The following NEXMIF variants were observed in gnomAD, a reference collection of about 807,000 sequenced individuals.
NEXMIF encodes the protein XLMR protein related to neurite extension.
NEXMIF carries 8 observed loss-of-function variants against 62.1 expected under a neutral mutation model. The observed-to-expected ratio is 0.13, with a 90% CI of 0.08 to 0.23. The LOEUF (loss-of-function observed/expected upper bound fraction) is 0.23, where lower values mean the gene tolerates loss of function less well. NEXMIF is among the 10% of genes least tolerant of loss of function. The pLI is 1.00. For missense variants in NEXMIF, 976 were observed against 1,113.3 expected, an observed-to-expected ratio of 0.88 and a Z score of 1.75; for synonymous variants, 404 against 416.6, an observed-to-expected ratio of 0.97 and a Z score of 0.37.
At chrX:74,824,486 TACC>T (rs1446915315) in intron 1 of NEXMIF, among the ~76,000 whole-genome samples, 1 of 112,169 alleles carries the variant, frequency 8.9e-6, no homozygotes, top group Non-Finnish European at 1.9e-5. Flanking sequence ...TGTGTATATG[TACC>T]ACATTTTCTT....
At chrX:74,804,193 CTT>C (rs2080338496) in intron 1 of NEXMIF, among the ~76,000 whole-genome samples, 1 of 112,460 alleles carries the variant, frequency 8.9e-6, no homozygotes, top group Non-Finnish European at 1.9e-5. Flanking sequence ...TATTGGTTTT[CTT>C]TTTGCTCATT....
chrX:74,855,504 G>A (rs2080531772), intron 1 of NEXMIF, among the ~76,000 whole-genome samples: 2 of 111,855 alleles, frequency 1.8e-5, no homozygotes, highest in Admixed American at 1.9e-4. Context: ...TTAAAGCTGA[G>A]GAATGAAATT....
chrX:74,743,318 G>A lies in NEXMIF; in HGVS notation c.1239C>T (p.Cys413=). The A allele has an allele frequency of 8.3e-7, 1 of 1,211,165 alleles. No homozygotes were observed. Among genetic ancestry groups the A allele is most frequent in the Non-Finnish European group, 1.1e-6 (1 of 895,089 alleles). The change falls in exon 3 of 4, where the codon TGC becomes TGT. Residue 413 remains cysteine (C), a synonymous_variant. Coordinates refer to ENST00000055682, the MANE Select transcript of NEXMIF (RefSeq NM_001008537.3). The part of the protein sequence containing the change: ...NGEKPALNKP[C]SGTEVEQLKN... ...TAAGTTGCTCTACTTCAGTCCCACTGCATGGTTTATTTAAGGCAGGCTTTT... is the reference window on the plus strand; with the variant it reads ...TAAGTTGCTCTACTTCAGTCCCACTACATGGTTTATTTAAGGCAGGCTTTT...
intron 1 of NEXMIF, among the ~76,000 whole-genome samples, chrX:74,854,378 C>T (rs1432939456): frequency 8.9e-6 from 1 of 111,867 alleles, no homozygotes; most frequent in Non-Finnish European, 1.9e-5. Context: ...ATTCAACAGC[C>T]CTTTATGATA....
intron 1 of NEXMIF, among the ~76,000 whole-genome samples, chrX:74,924,620 C>T (rs1382428971): frequency 8.8e-6 from 1 of 113,676 alleles, no homozygotes; most frequent in Non-Finnish European, 1.9e-5. Context: ...CCCCCCGCAA[C>T]CCCCTTCCTA....
chrX:74,744,260 G>A lies in NEXMIF; in HGVS notation c.297C>T (p.Ile99=). 1 of 1,210,653 alleles carries A rather than the reference G, an allele frequency of 8.3e-7. No individual in the cohort carries two copies. Among genetic ancestry groups the A allele is most frequent in the South Asian group, 1.8e-5 (1 of 56,958 alleles). The part of the protein sequence containing the change: ...HAANSASVNA[I]SLTSGIAKGL... Reference sequence around the variant, plus strand: ...CTTTTGCAATGCCAGATGTGAGGGAGATGGCATTCACAGAAGCACTATTAG... The same window carrying A: ...CTTTTGCAATGCCAGATGTGAGGGAAATGGCATTCACAGAAGCACTATTAG... Residue 99 remains isoleucine, a synonymous_variant, in exon 3 of 4, where the codon ATC becomes ATT. Coordinates refer to ENST00000055682, the MANE Select transcript of NEXMIF (RefSeq NM_001008537.3).
chrX:74,744,930 CCT>C (rs749595584), intron 2 of NEXMIF, among the ~76,000 whole-genome samples: 13 of 86,560 alleles, frequency 1.5e-4, no homozygotes, highest in African/African-American at 5.1e-4. Flanking sequence ...TTCTCTCTCT[CCT>C]CTCTCTCTCT....
chrX:74,788,636 C>A (rs1360369863), intron 1 of NEXMIF, among the ~76,000 whole-genome samples: 1 of 111,422 alleles, frequency 9.0e-6, no homozygotes, highest in Non-Finnish European at 1.9e-5. Flanking sequence ...CAGGTCAAAA[C>A]TCATTATCTA....
chrX:74,739,444 C>T lies in NEXMIF; in HGVS notation c.4512G>A (p.Val1504=). 8.3e-7 allele frequency: 1 copy of T among 1,200,390 alleles called. No individual in the cohort carries two copies. Among genetic ancestry groups the T allele is most frequent in the South Asian group, 1.8e-5 (1 of 54,315 alleles). ...KAETTFWVLP[V]FEEETRIFQK... is the part of the protein sequence containing the mutation. The stretch of plus-strand genomic sequence containing the variant: ...GGAAAATGCGAGTCTCTTCTTCAAA[C>T]ACAGGTAAAACCCAAAAGGTTGTTT... The change falls in exon 4 of 4, where the codon GTG becomes GTA. Residue 1504 remains valine (V), a synonymous_variant. Transcript: ENST00000055682.
At chrX:74,916,498 G>A (rs766884839) in intron 1 of NEXMIF, among the ~76,000 whole-genome samples, 4 of 111,356 alleles carry the variant, frequency 3.6e-5, no homozygotes, top group South Asian at 7.6e-4. Flanking sequence ...GGGTTATCAC[G>A]GGAGTGGGAC....
At chrX:74,905,852 G>A (rs2080766539) in intron 1 of NEXMIF, among the ~76,000 whole-genome samples, 2 of 111,543 alleles carry the variant, frequency 1.8e-5, no homozygotes, top group African/African-American at 6.5e-5. Context: ...CAAAAATAAA[G>A]ACACAAATAA....
Position 74,755,518 on chromosome X carries a change from C to T in NEXMIF, c.-47-9821G>A, listed in dbSNP as rs190490816. Among the ~76,000 whole-genome samples, 4 of 111,035 alleles carry T rather than the reference C, an allele frequency of 3.6e-5. No individual in the cohort carries two copies. In the East Asian group the frequency reaches 1.1e-3, roughly 31 times the overall value. ...ATATTGGTTCAACGTGAATTTCTTT[C>T]ACCAAGAAAAAAAAAATCCCTTTGG... is the stretch of plus-strand genomic sequence containing the variant. On this transcript the variant is annotated intron_variant, in intron 1 of 3. Coordinates refer to ENST00000055682, the MANE Select transcript of NEXMIF (RefSeq NM_001008537.3).
rs1186031968 is a variant in NEXMIF at position 74,734,621 on chromosome X, A to C, written c.*4784T>G. 3 of 111,970 alleles carry C rather than the reference A, an allele frequency of 2.7e-5. No homozygotes were observed. The highest frequency in any genetic ancestry group is 3.8e-5 in the Non-Finnish European group (2 of 53,092). 9.2% of individuals were successfully genotyped at this position (111,970 alleles called of 1,213,427 possible). ...ATCTTATGTGGATGAGTGTTTCTTC[A>C]GTGTCTTTAGTATCAATTTACCCAG... On this transcript the variant is annotated 3_prime_UTR_variant, in exon 4 of 4. Coordinates refer to ENST00000055682, the MANE Select transcript of NEXMIF (RefSeq NM_001008537.3).
intron 1 of NEXMIF, among the ~76,000 whole-genome samples, chrX:74,886,436 G>A (rs762780553): frequency 8.9e-6 from 1 of 112,073 alleles, no homozygotes; most frequent in South Asian, 3.8e-4. Flanking sequence ...AAGCTGATAA[G>A]CTACTTCAGC....
At chrX:74,794,429 G>C (rs1248459005) in intron 1 of NEXMIF, among the ~76,000 whole-genome samples, 2 of 110,161 alleles carry the variant, frequency 1.8e-5, no homozygotes, top group African/African-American at 6.6e-5. Flanking sequence ...CTGTCTTTTT[G>C]TTTGTCTGTG....
At chrX:74,822,409 A>G (rs1268925582) in intron 1 of NEXMIF, among the ~76,000 whole-genome samples, 1 of 112,319 alleles carries the variant, frequency 8.9e-6, no homozygotes, top group Non-Finnish European at 1.9e-5. Flanking sequence ...TTCCAAAAGT[A>G]AAATCTTTTG....
intron 1 of NEXMIF, among the ~76,000 whole-genome samples, chrX:74,814,498 CA>C (rs1462371159): frequency 9.0e-6 from 1 of 111,712 alleles, no homozygotes; most frequent in African/African-American, 3.3e-5. Flanking sequence ...TCTAGTTCAA[CA>C]CTCAAAACAT....
chrX:74,872,373 C>A (rs1346333299), intron 1 of NEXMIF, among the ~76,000 whole-genome samples: 3 of 83,422 alleles, frequency 3.6e-5, no homozygotes, highest in Admixed American at 1.8e-4. Context: ...AGCTAAAAAT[C>A]AAAATAATTT....
intron 1 of NEXMIF, among the ~76,000 whole-genome samples, chrX:74,875,317 A>T (rs1437580291): frequency 1.8e-5 from 2 of 111,552 alleles, no homozygotes; most frequent in East Asian, 2.8e-4. Flanking sequence ...CGTATATTGA[A>T]CCAGCCTTGC....
Sources: gnomAD v4.1 joint callset for allele counts (sites outside exome capture counted in the v4.1 genomes callset) on GRCh38, gnomAD v4.1.1 for gene constraint, MANE v1.5 for transcripts, NCBI Gene and HGNC (gene_info 2026-07-23, HGNC 2026-07-21) for gene names.